Variants in CNKSR2 observed in about 807,000 individuals in gnomAD.
CNKSR2 encodes the protein CNK homolog protein 2.
A neutral mutation model predicts 84.4 loss-of-function variants in CNKSR2; 14 were observed. The observed-to-expected ratio is 0.17, with a 90% CI of 0.11 to 0.26. CNKSR2 has a LOEUF of 0.26. Ranked by LOEUF, CNKSR2 falls within the 10% of genes least tolerant of loss-of-function variation. CNKSR2 has a pLI of 1.00. For synonymous variants in CNKSR2, 275 were observed against 277.9 expected (o/e 0.99, Z 0.10); for missense variants, 485 against 771.2 (o/e 0.63, Z 4.40).
chrX:21,415,084 T>C (rs2090398377), intron 1 of CNKSR2, among the ~76,000 whole-genome samples: 1 of 112,139 alleles, frequency 8.9e-6, no homozygotes, highest in Non-Finnish European at 1.9e-5. Flanking sequence ...TCTATTTCTG[T>C]GAAGAATGTC....
rs780012254 is a variant in CNKSR2, at chrX:21,573,075, A to G, written c.1608+9623A>G. On this transcript the variant is annotated intron_variant, in intron 13 of 21. Transcript: ENST00000379510. The stretch of plus-strand genomic sequence containing the variant: ...CCAAATGGGAGAAATTGGCCAAAAC[A>G]AAGGGGCAACAGGCCACATGCAAGT... 2.7e-5 allele frequency among the ~76,000 whole-genome samples: 3 copies of G among 112,136 alleles called. No homozygotes were observed. In the East Asian group the frequency reaches 8.4e-4, roughly 32 times the overall value.
intron 7 of CNKSR2, among the ~76,000 whole-genome samples, chrX:21,500,386 A>G (rs996852297): frequency 9.0e-6 from 1 of 111,355 alleles, no homozygotes; most frequent in African/African-American, 3.2e-5. Context: ...GTCCTACTCC[A>G]GGGTCTCAAA....
chrX:21,407,054 T>C (rs2090273896), intron 1 of CNKSR2, among the ~76,000 whole-genome samples: 1 of 111,568 alleles, frequency 9.0e-6, no homozygotes, highest in Non-Finnish European at 1.9e-5. Context: ...TAGTAGGTCA[T>C]AGTCATAGAG....
Position 21,374,624 on chromosome X carries a change from A to AGCAGCAGCAGCCGCAGCAGCC in CNKSR2, c.-266_-265insAGCCGCAGCAGCCGCAGCAGC. 2.0e-6 allele frequency: 1 copy of AGCAGCAGCAGCCGCAGCAGCC among 510,139 alleles called. No homozygotes were observed. Among genetic ancestry groups the AGCAGCAGCAGCCGCAGCAGCC allele is most frequent in the Non-Finnish European group, 3.4e-6 (1 of 291,348 alleles). 42.0% of individuals were successfully genotyped at this position (510,139 alleles called of 1,213,427 possible). ...CAGCAGCAGCAGCAGCAGCAGCAGC[A>AGCAGCAGCAGCCGCAGCAGCC]GCAGCAGCCGCCGCCGCCGCCGCCT... On this transcript the variant is annotated 5_prime_UTR_variant, in exon 1 of 22. Coordinates refer to ENST00000379510, the MANE Select transcript of CNKSR2 (RefSeq NM_014927.5).
intron 4 of CNKSR2, among the ~76,000 whole-genome samples, chrX:21,470,229 T>A (rs1308718934): frequency 8.9e-6 from 1 of 112,033 alleles, no homozygotes; most frequent in Non-Finnish European, 1.9e-5. Flanking sequence ...GTGAGAACTA[T>A]GAACTTGGTA....
At chrX:21,450,269 A>C (rs1388443649) in intron 4 of CNKSR2, among the ~76,000 whole-genome samples, 2 of 111,866 alleles carry the variant, frequency 1.8e-5, no homozygotes, top group Non-Finnish European at 3.8e-5. Context: ...GATTCTATGG[A>C]ATATCTCTTT....
chrX:21,513,096 G>A (rs999721933), intron 8 of CNKSR2, among the ~76,000 whole-genome samples: 31 of 111,919 alleles, frequency 2.8e-4, no homozygotes, highest in African/African-American at 9.1e-4. Context: ...GCGATTATTC[G>A]GTAGCTATTA....
At chrX:21,419,584 G>T (rs753541209) in intron 1 of CNKSR2, among the ~76,000 whole-genome samples, 1 of 111,568 alleles carries the variant, frequency 9.0e-6, no homozygotes, top group African/African-American at 3.3e-5. Context: ...TAGGTGTTAT[G>T]ATCTAAGCTG....
chrX:21,395,762 T>A (rs1171359293), intron 1 of CNKSR2, among the ~76,000 whole-genome samples: 2 of 111,981 alleles, frequency 1.8e-5, no homozygotes, highest in African/African-American at 3.2e-5. Flanking sequence ...TTGATTTTCT[T>A]TACATCTACT....
chrX:21,398,640 G>A (rs1457142343), intron 1 of CNKSR2, among the ~76,000 whole-genome samples: 1 of 111,921 alleles, frequency 8.9e-6, no homozygotes, highest in African/African-American at 3.2e-5. Context: ...GGGGCCAGTA[G>A]GAAAAGTTAG....
intron 11 of CNKSR2, among the ~76,000 whole-genome samples, chrX:21,558,325 A>G (rs2092157126): frequency 9.0e-6 from 1 of 111,249 alleles, no homozygotes; most frequent in Non-Finnish European, 1.9e-5. Flanking sequence ...ATTAAAAATC[A>G]ATACTTATAA....
In CNKSR2 at chrX:21,526,963, T is replaced by C; in HGVS notation, c.1054T>C (p.Tyr352His). Residue 352 changes from tyrosine (Y) to histidine (H), a missense_variant, in exon 10 of 22, where the codon TAC becomes CAC. Transcript: ENST00000379510. Reference sequence around the variant, plus strand: ...AGACAGTTCTGCCCTCCAGGATCTCTACATTCCCCCTCCTCCTGCAGAACC... The same window carrying C: ...AGACAGTTCTGCCCTCCAGGATCTCCACATTCCCCCTCCTCCTGCAGAACC... ...KRDSSALQDL[Y>H]IPPPPAEPYI... 8.3e-7 allele frequency: 1 copy of C among 1,206,243 alleles called. No individual in the cohort carries two copies.
chrX:21,627,447 C>T (rs1465688878), intron 20 of CNKSR2, among the ~76,000 whole-genome samples: 2 of 111,238 alleles, frequency 1.8e-5, no homozygotes, highest in South Asian at 3.9e-4. Flanking sequence ...GGCAGTGAGC[C>T]GAGATCGTGC....
rs16981582 is a variant in CNKSR2 at position 21,521,798 on chromosome X, C to T, written c.958-5069C>T. The stretch of plus-strand genomic sequence containing the variant: ...GGTCAGAAAAAAACACTTGTTTTCT[C>T]TGTATTCTGACAGGAAAGGAAAAAT... On this transcript the variant is annotated intron_variant, in intron 9 of 21. Transcript: ENST00000379510. Among the ~76,000 whole-genome samples, 742 of 110,605 alleles carry T rather than the reference C, an allele frequency of 6.7e-3. 4 individuals carry two copies. Among genetic ancestry groups the T allele is most frequent in the African/African-American group, 0.023 (698 of 30,707 alleles).
chrX:21,534,004 A>G (rs1048625608), intron 11 of CNKSR2, among the ~76,000 whole-genome samples: 1 of 110,357 alleles, frequency 9.1e-6, no homozygotes, highest in Non-Finnish European at 1.9e-5. Context: ...TAGCCATCCT[A>G]TAGCACCGTA....
chrX:21,594,162 C>A (rs971789799), intron 15 of CNKSR2: 1 of 112,014 alleles, frequency 8.9e-6, no homozygotes, highest in Non-Finnish European at 1.9e-5. Flanking sequence ...GAGATTATGT[C>A]TTTTGCAGGA....
At chrX:21,517,338 T>G (rs1229754782) in intron 9 of CNKSR2, among the ~76,000 whole-genome samples, 1 of 110,681 alleles carries the variant, frequency 9.0e-6, no homozygotes, top group Non-Finnish European at 1.9e-5. Flanking sequence ...TGAGCTCTGA[T>G]CATGCTACTG....
intron 1 of CNKSR2, among the ~76,000 whole-genome samples, chrX:21,379,196 C>T (rs1450720209): frequency 1.8e-5 from 2 of 112,803 alleles, no homozygotes; most frequent in African/African-American, 3.2e-5. Flanking sequence ...TTGACAGGTA[C>T]AATACTCTTT....
At chrX:21,562,374 T>C (rs1429942066) in intron 12 of CNKSR2, among the ~76,000 whole-genome samples, 2 of 111,865 alleles carry the variant, frequency 1.8e-5, no homozygotes, top group Non-Finnish European at 3.8e-5. Context: ...CGTTTTCTTG[T>C]TATTTCTAGC....
Sources: allele counts gnomAD v4.1 joint callset (sites outside exome capture counted in the v4.1 genomes callset), GRCh38; gene constraint gnomAD v4.1.1; transcripts MANE v1.5; gene names NCBI Gene and HGNC (gene_info 2026-07-23, HGNC 2026-07-21).